The following FALEC variants were observed in gnomAD, a reference collection of about 807,000 sequenced individuals.
FALEC encodes the protein focally amplified lncRNA on chromosome 1.
At chr1:150,523,880 C>T in the FALEC span, among the ~76,000 whole-genome samples, 1 of 152,010 alleles carries the variant, frequency 6.6e-6, no homozygotes, top group Non-Finnish European at 1.5e-5. Context: ...CTCTAAATGG[C>T]ATCACAAAGT....
exon 1 of FALEC, chr1:150,515,819 A>G (rs587704473): frequency 1.3e-5 from 2 of 152,466 alleles, no homozygotes; most frequent in South Asian, 4.1e-4. Flanking sequence ...AGGCCGGCCC[A>G]GCAATTCCCC....
At chr1:150,524,561 C>T in the FALEC span, among the ~76,000 whole-genome samples, 1 of 152,034 alleles carries the variant, frequency 6.6e-6, no homozygotes, top group African/African-American at 2.4e-5. Context: ...AATAATAAGA[C>T]AAGTCAATCA....
the FALEC span, among the ~76,000 whole-genome samples, chr1:150,530,366 C>A: frequency 6.6e-6 from 1 of 152,118 alleles, no homozygotes; most frequent in Non-Finnish European, 1.5e-5. Context: ...CAGTTACAGA[C>A]AATTTTTTTG....
At chr1:150,517,511 A>G (rs1670583114) in intron 1 of FALEC, among the ~76,000 whole-genome samples, 1 of 152,096 alleles carries the variant, frequency 6.6e-6, no homozygotes, top group Non-Finnish European at 1.5e-5. Context: ...TGATGGTATT[A>G]GGAGGTGGGG....
At chr1:150,518,456 C>G (rs1218760538), downstream of FALEC, among the ~76,000 whole-genome samples, 1 of 151,082 alleles carries the variant, frequency 6.6e-6, no homozygotes, top group East Asian at 1.9e-4. Context: ...GTGATCTCGG[C>G]TCACCGCAAC....
At chr1:150,526,858 TC>T in the FALEC span, among the ~76,000 whole-genome samples, 1 of 151,214 alleles carries the variant, frequency 6.6e-6, no homozygotes, top group Admixed American at 6.6e-5. Flanking sequence ...ATGGTCTCGA[TC>T]TCCTGACCTC....
intron 1 of FALEC, chr1:150,516,093 A>G (rs2101450146): frequency 6.6e-6 from 1 of 152,090 alleles, no homozygotes; most frequent in African/African-American, 2.4e-5. Flanking sequence ...AAAATACAAA[A>G]AAAAAAAAAA....
chr1:150,525,203 C>G, the FALEC span, among the ~76,000 whole-genome samples: 3 of 152,152 alleles, frequency 2.0e-5, no homozygotes, highest in Non-Finnish European at 4.4e-5. Context: ...AGGAGAATCG[C>G]TTGAACCCAG....
chr1:150,519,780 C>A (rs1396864729), downstream of FALEC, among the ~76,000 whole-genome samples: 2 of 151,966 alleles, frequency 1.3e-5, no homozygotes, highest in Non-Finnish European at 2.9e-5. Context: ...TCAGGAGAAT[C>A]GCTTGAACCT....
downstream of FALEC, among the ~76,000 whole-genome samples, chr1:150,520,911 C>T (rs1215738789): frequency 6.7e-6 from 1 of 148,798 alleles, no homozygotes; most frequent in Non-Finnish European, 1.5e-5. Flanking sequence ...CTGGGATTCT[C>T]CTGCTTCAGC....
downstream of FALEC, among the ~76,000 whole-genome samples, chr1:150,518,561 T>G (rs769524241): frequency 6.6e-6 from 1 of 151,834 alleles, no homozygotes; most frequent in Admixed American, 6.6e-5. Context: ...ATTTTGCATT[T>G]TTTTAGTAGA....
chr1:150,523,527 G>A, the FALEC span, among the ~76,000 whole-genome samples: 1 of 151,248 alleles, frequency 6.6e-6, no homozygotes, highest in Non-Finnish European at 1.5e-5. Flanking sequence ...TGGTGTGCAT[G>A]CCTGTAGTCC....
chr1:150,535,298 C>A, the FALEC span, among the ~76,000 whole-genome samples: 5 of 152,076 alleles, frequency 3.3e-5, no homozygotes, highest in Non-Finnish European at 7.4e-5. Flanking sequence ...GGCTGGAGTG[C>A]GGTGGCGCAA....
chr1:150,535,826 C>T, the FALEC span, among the ~76,000 whole-genome samples: 6 of 152,172 alleles, frequency 3.9e-5, no homozygotes, highest in Admixed American at 2.6e-4. Flanking sequence ...ATCCTACCTT[C>T]GGTCCAGCAA....
the FALEC span, among the ~76,000 whole-genome samples, chr1:150,535,561 A>G: frequency 1.3e-5 from 2 of 152,190 alleles, no homozygotes; most frequent in Admixed American, 1.3e-4. Flanking sequence ...TTCTAACTCT[A>G]AATTAAATAG....
At chr1:150,525,069 G>C in the FALEC span, among the ~76,000 whole-genome samples, 1 of 151,740 alleles carries the variant, frequency 6.6e-6, no homozygotes, top group Non-Finnish European at 1.5e-5. Context: ...GGCCGAGGCA[G>C]GCGGATCACG....
the FALEC span, among the ~76,000 whole-genome samples, chr1:150,533,360 G>A: frequency 1.3e-4 from 19 of 151,876 alleles, no homozygotes; most frequent in South Asian, 3.1e-3. Flanking sequence ...GGGCCACATC[G>A]AGTGTGGAAA....
chr1:150,522,837 C>T (rs587621954), downstream of FALEC, among the ~76,000 whole-genome samples: 1 of 51,092 alleles, frequency 2.0e-5, no homozygotes, highest in African/African-American at 5.0e-5. Context: ...AATGAACTCT[C>T]TCTCTCTCTC....
At chr1:150,531,516 C>T in the FALEC span, among the ~76,000 whole-genome samples, 1 of 152,090 alleles carries the variant, frequency 6.6e-6, no homozygotes, top group East Asian at 1.9e-4. Context: ...AGCCTGCGGT[C>T]ACTTGCTGGG....
Sources: gnomAD v4.1 joint callset for allele counts (sites outside exome capture counted in the v4.1 genomes callset) on GRCh38, gnomAD v4.1.1 for gene constraint, MANE v1.5 for transcripts, NCBI Gene and HGNC (gene_info 2026-07-23, HGNC 2026-07-21) for gene names.